ROS1: variants seen among roughly 807,000 people sequenced by gnomAD.
ROS1 encodes proto-oncogene tyrosine-protein kinase ROS.
ROS1 carries 263 observed loss-of-function variants against 273.5 expected under a neutral mutation model. The observed-to-expected ratio is 0.96, with a 90% CI of 0.87 to 1.06. The LOEUF is 1.06. ROS1 is among the 50% of genes least tolerant of loss of function. The pLI, the probability that ROS1 is intolerant of heterozygous loss-of-function variation, is 0.00. For synonymous variants in ROS1, 1,008 were observed against 954.1 expected (o/e 1.06, Z -1.04); for missense variants, 2,833 against 2,751.1 (o/e 1.03, Z -0.67).
rs200795847 is a variant in ROS1, at chr6:117,420,595, AAATAATAATAAT to A, written c.124-2101_124-2090del. On this transcript the variant is annotated intron_variant, in intron 1 of 43. Coordinates refer to ENST00000368507, the MANE Select transcript of ROS1 (RefSeq NM_001378902.1). The stretch of plus-strand genomic sequence containing the variant: ...TAAAGTATAATAATAATAAAATTTT[AAATAATAATAAT>A]AATAATAATAATAAATGGAACAGAG... 1.8e-3 allele frequency among the ~76,000 whole-genome samples: 265 copies of A among 148,874 alleles called. 6 individuals are homozygous for A. In the East Asian group the frequency reaches 0.042, roughly 24 times the overall value.
rs201121216 is a variant in ROS1 at position 117,365,656 on chromosome 6, T to C, written c.2883A>G (p.Gln961=). The change falls in exon 20 of 44, where the codon CAA becomes CAG. Residue 961 remains glutamine, a synonymous_variant. Transcript: ENST00000368507. ...CCGCAGGGGGACCATTCCACAGGAT[T>C]TGAAAACTTGAAGCATTTCCTTCAA... ...FRIEGNASSF[Q]ILWNGPPAVD... The C allele has an allele frequency of 5.5e-5, 88 of 1,612,808 alleles. No homozygotes were observed. The highest frequency in any genetic ancestry group is 1.0e-4 in the Admixed American group (6 of 59,928).
Position 117,396,228 on chromosome 6 carries a change from A to G in ROS1, c.843T>C (p.Gly281=), listed in dbSNP as rs1050959030. ...SIAAVNEVGE[G]PEAESSITTS... ...TGGTAATACTAGATTCTGCTTCTGG[A>G]CCCTCACCAACTTCATTTACTGCTG... is the stretch of plus-strand genomic sequence containing the variant. Residue 281 remains glycine, a synonymous_variant, in exon 9 of 44, where the codon GGT becomes GGC. Transcript: ENST00000368507. 5 of 1,613,634 alleles carry G rather than the reference A, an allele frequency of 3.1e-6. No homozygotes were observed. In the African/African-American group the frequency reaches 6.7e-5, roughly 22 times the overall value.
Position 117,385,851 on chromosome 6 carries a change from C to T in ROS1, c.2121G>A (p.Trp707Ter). ...SDIGNVSDMD[W>*]YNNSLYYSDT... is the part of the protein sequence containing the mutation. ...CACTGTAGTAGAGGCTGTTGTTATA[C>T]CAATCCATGTCTCAAAATAAAGTGA... The change falls in exon 16 of 44, where the codon TGG becomes TGA. Residue 707 changes from tryptophan (W) to a stop codon, truncating the protein, a stop_gained. Transcript: ENST00000368507. LOFTEE classifies it high-confidence loss of function. 1 of 1,613,858 alleles carries T rather than the reference C, an allele frequency of 6.2e-7. No homozygotes were observed. Among genetic ancestry groups the T allele is most frequent in the Middle Eastern group, 1.7e-4 (1 of 6,050 alleles).
rs149513638 is a variant in ROS1, at chr6:117,365,098, C to T, written c.3065G>A (p.Gly1022Asp). ...SVTPYTYWGK[G>D]PKTSLSLRAP... The stretch of plus-strand genomic sequence containing the variant: ...TCGAAGTGACAGAGATGTTTTGGGG[C>T]CCTTTCCCCAGTAGGTATAAGGAGT... The change falls in exon 21 of 44, where the codon GGC becomes GAC. Residue 1022 changes from glycine to aspartate, a missense_variant. By Grantham distance (94) the Gly-to-Asp change is moderately conservative. Transcript: ENST00000368507. The T allele has an allele frequency of 4.2e-4, 676 of 1,613,796 alleles. 4 individuals are homozygous for T. Among genetic ancestry groups the T allele is most frequent in the Middle Eastern group, 4.1e-3 (25 of 6,060 alleles).
intron 42 of ROS1, among the ~76,000 whole-genome samples, chr6:117,304,049 C>T (rs1774928769): frequency 1.3e-5 from 2 of 152,124 alleles, no homozygotes; most frequent in Non-Finnish European, 2.9e-5. Context: ...CAATATTGGA[C>T]TGTTTCAATG....
At chr6:117,296,902 T>G (rs944610998) in intron 43 of ROS1, among the ~76,000 whole-genome samples, 4 of 152,104 alleles carry the variant, frequency 2.6e-5, no homozygotes, top group African/African-American at 9.7e-5. Flanking sequence ...TATCAAAACA[T>G]CTCATGTACC....
intron 38 of ROS1, among the ~76,000 whole-genome samples, chr6:117,317,476 G>A (rs532955845): frequency 1.9e-4 from 29 of 152,244 alleles, no homozygotes; most frequent in African/African-American, 6.7e-4. Context: ...CATGAGTATG[G>A]ATAAAATAGG....
chr6:117,349,190 G>A (rs559963288), intron 27 of ROS1, among the ~76,000 whole-genome samples: 25 of 151,960 alleles, frequency 1.6e-4, no homozygotes, highest in African/African-American at 6.0e-4. Flanking sequence ...GTCTTCAATG[G>A]TGATAGTGGC....
intron 13 of ROS1, among the ~76,000 whole-genome samples, chr6:117,388,960 C>T (rs567446019): frequency 3.3e-5 from 5 of 152,292 alleles, no homozygotes; most frequent in African/African-American, 9.6e-5. Flanking sequence ...CATACTACCT[C>T]TCTCCAGAGA....
At chr6:117,401,944 C>G (rs1357462714) in intron 7 of ROS1, among the ~76,000 whole-genome samples, 6 of 151,900 alleles carry the variant, frequency 3.9e-5, no homozygotes, top group Non-Finnish European at 8.8e-5. Context: ...ATATCTATAC[C>G]ACACCACTAC....
intron 26 of ROS1, among the ~76,000 whole-genome samples, chr6:117,353,391 C>A (rs1336535705): frequency 2.0e-5 from 3 of 152,176 alleles, no homozygotes; most frequent in African/African-American, 7.2e-5. Context: ...TTATTACTAA[C>A]CTCATTTTGT....
intron 7 of ROS1, 64 bp from the exon 8 acceptor site, chr6:117,397,180 G>C (rs1336025487): frequency 9.1e-7 from 1 of 1,099,966 alleles, no homozygotes; most frequent in South Asian, 1.5e-5. Context: ...TTTAAAATAA[G>C]ATGGAAAAAA....
chr6:117,310,911 C>T lies in ROS1; in HGVS notation c.6215+109G>A, dbSNP rs542124522. On this transcript the variant is annotated intron_variant, in intron 40 of 43. Transcript: ENST00000368507. ...GAGAGACTTTTAATAGAAATTATTGCTAGTTTGAAGGAATTAAAATGTTTA... is the reference window on the plus strand; with the variant it reads ...GAGAGACTTTTAATAGAAATTATTGTTAGTTTGAAGGAATTAAAATGTTTA... 6.4e-5 allele frequency: 39 copies of T among 605,788 alleles called. No individual in the cohort carries two copies. The Admixed American group carries it at 1.1e-3, about 16-fold the overall frequency. 37.5% of individuals were successfully genotyped at this position (605,788 alleles called of 1,614,324 possible). A position where few individuals can be genotyped will look rare whatever the true frequency, so the allele number is the denominator to read the frequency against.
intron 18 of ROS1, among the ~76,000 whole-genome samples, chr6:117,375,605 T>C (rs980614471): frequency 2.6e-5 from 4 of 151,898 alleles, no homozygotes; most frequent in Non-Finnish European, 5.9e-5. Flanking sequence ...AATAAAACAA[T>C]ACAATAAATG....
At chr6:117,327,254 AAC>A (rs1776706578) in intron 33 of ROS1, among the ~76,000 whole-genome samples, 1 of 152,200 alleles carries the variant, frequency 6.6e-6, no homozygotes, top group Admixed American at 6.5e-5. Context: ...AAAGGGTAAG[AAC>A]ATCGGGAGCA....
At chr6:117,377,807 A>C (rs1334025494) in intron 18 of ROS1, among the ~76,000 whole-genome samples, 1 of 152,204 alleles carries the variant, frequency 6.6e-6, no homozygotes, top group Non-Finnish European at 1.5e-5. Context: ...ATATTTTGAC[A>C]AAGTGCTTAT....
At chr6:117,315,672 TG>T (rs201829434) in intron 39 of ROS1, among the ~76,000 whole-genome samples, 2,198 of 152,232 alleles carry the variant, frequency 0.014, 45 homozygotes, top group African/African-American at 0.05. Flanking sequence ...AGCAGATTTT[TG>T]CTGCACATGC....
At chr6:117,316,631 T>C (rs1775939233) in intron 39 of ROS1, among the ~76,000 whole-genome samples, 1 of 151,900 alleles carries the variant, frequency 6.6e-6, no homozygotes, top group African/African-American at 2.4e-5. Context: ...TTAGCATGGA[T>C]GTAGGGAAAG....
intron 17 of ROS1, among the ~76,000 whole-genome samples, chr6:117,381,875 CG>C (rs1424276706): frequency 6.6e-6 from 1 of 152,030 alleles, no homozygotes; most frequent in Non-Finnish European, 1.5e-5. Flanking sequence ...AGTGTATAAG[CG>C]TTTGGAGGGG....
Sources: gnomAD v4.1 joint callset for allele counts (sites outside exome capture counted in the v4.1 genomes callset) on GRCh38, gnomAD v4.1.1 for gene constraint, MANE v1.5 for transcripts, NCBI Gene and HGNC (gene_info 2026-07-23, HGNC 2026-07-21) for gene names.